Variants in NTM observed in about 807,000 individuals in gnomAD.
The protein encoded by NTM is neurotrimin, also known as IgLON family member 2.
Under a neutral mutation model 42.1 loss-of-function variants are expected in NTM, and 13 were observed. The ratio of observed to expected loss-of-function variants is 0.31; its 90% CI spans 0.20 to 0.49. The LOEUF is 0.49. Among genes scored for constraint, NTM ranks in the 20% least tolerant of loss-of-function variants. NTM has a pLI of 0.99. For synonymous variants in NTM, 187 were observed against 179.2 expected (o/e 1.04, Z -0.35); for missense variants, 373 against 452.8 (o/e 0.82, Z 1.60).
At chr11:132,062,718 G>A (rs2080867552) in intron 2 of NTM, among the ~76,000 whole-genome samples, 1 of 152,170 alleles carries the variant, frequency 6.6e-6, no homozygotes, top group African/African-American at 2.4e-5. Context: ...TAGCTCTTTG[G>A]AATAGTTAGA....
chr11:132,123,797 G>T (rs1566224814), intron 2 of NTM, among the ~76,000 whole-genome samples: 1 of 152,078 alleles, frequency 6.6e-6, no homozygotes, highest in Non-Finnish European at 1.5e-5. Flanking sequence ...CGCATGTGCC[G>T]GTTACTGACC....
chr11:131,612,735 A>G (rs2137551298), intron 1 of NTM, among the ~76,000 whole-genome samples: 1 of 152,338 alleles, frequency 6.6e-6, no homozygotes, highest in East Asian at 1.9e-4. Context: ...AACTTAGCAC[A>G]GTGGAACACC....
chr11:131,523,674 A>G (rs904017880), intron 1 of NTM, among the ~76,000 whole-genome samples: 3 of 151,302 alleles, frequency 2.0e-5, no homozygotes, highest in African/African-American at 7.3e-5. Flanking sequence ...CTGTAATACC[A>G]GCTACTCAGG....
chr11:131,668,903 A>C (rs143379147), intron 1 of NTM, among the ~76,000 whole-genome samples: 1 of 152,220 alleles, frequency 6.6e-6, no homozygotes, highest in South Asian at 2.1e-4. Context: ...TCAAACAACA[A>C]TAACAATAAT....
At chr11:131,703,334 C>T (rs2076259492) in intron 1 of NTM, among the ~76,000 whole-genome samples, 1 of 152,126 alleles carries the variant, frequency 6.6e-6, no homozygotes, top group Admixed American at 6.5e-5. Flanking sequence ...CTTTGTATCC[C>T]ATAAATATAT....
At chr11:132,326,560 G>C (rs1334664393) in intron 7 of NTM, among the ~76,000 whole-genome samples, 1 of 152,216 alleles carries the variant, frequency 6.6e-6, no homozygotes, top group Non-Finnish European at 1.5e-5. Flanking sequence ...TGGTTGGAAG[G>C]CTTTCTGTGC....
intron 1 of NTM, among the ~76,000 whole-genome samples, chr11:131,446,218 G>A (rs1950045285): frequency 6.6e-6 from 1 of 152,140 alleles, no homozygotes; most frequent in Non-Finnish European, 1.5e-5. Flanking sequence ...CTATGGAAAT[G>A]TTCTGTGCTG....
intron 1 of NTM, among the ~76,000 whole-genome samples, chr11:131,657,452 G>A (rs1039305576): frequency 6.6e-6 from 1 of 152,176 alleles, no homozygotes; most frequent in African/African-American, 2.4e-5. Context: ...GCTCGCAAAG[G>A]GCCAGCCTCT....
chr11:131,871,180 T>C (rs2047742866), intron 1 of NTM, among the ~76,000 whole-genome samples: 1 of 152,222 alleles, frequency 6.6e-6, no homozygotes. Context: ...AGGGAGAACA[T>C]GAAAACCAAC....
chr11:132,320,374 G>A (rs1403605385), intron 7 of NTM, among the ~76,000 whole-genome samples: 1 of 152,238 alleles, frequency 6.6e-6, no homozygotes, highest in Non-Finnish European at 1.5e-5. Flanking sequence ...GAAGTGCAAG[G>A]GATCAGGGAG....
At chr11:132,020,467 G>A (rs915521431) in intron 2 of NTM, among the ~76,000 whole-genome samples, 2 of 151,644 alleles carry the variant, frequency 1.3e-5, no homozygotes, top group Non-Finnish European at 2.9e-5. Flanking sequence ...ATATTATAGT[G>A]TACCATTTAA....
Position 131,881,506 on chromosome 11 carries a change from ACACC to A in NTM, c.83-30056_83-30053del, listed in dbSNP as rs754367648. Among the ~76,000 whole-genome samples the A allele has an allele frequency of 7.6e-3, 1,146 of 150,626 alleles. 12 individuals carry two copies. The highest frequency in any genetic ancestry group is 0.013 in the Non-Finnish European group (848 of 67,330). On this transcript the variant is annotated intron_variant, in intron 1 of 8. Transcript: ENST00000683400. ...CACACACACACACACACACACACAC[ACACC>A]CCCCAAAGCTTTGACGCAGAGGAGC...
rs71067336 is a variant in NTM, at chr11:131,789,547, AAAG to A, written c.83-121930_83-121928del. On this transcript the variant is annotated intron_variant, in intron 1 of 8. Transcript: ENST00000683400. ...AAGAAGAAGAAGAAGAAGAAGAAGA[AAAG>A]AAGAAGAAGAAGAAGAAGAAGAAGA... Among the ~76,000 whole-genome samples, 37 of 5,100 alleles carry A rather than the reference AAAG, an allele frequency of 7.3e-3. 2 individuals carry two copies. Among genetic ancestry groups the A allele is most frequent in the East Asian group, 0.013 (2 of 154 alleles). 3.3% of individuals were successfully genotyped at this position (5,100 alleles called of 152,430 possible).
chr11:131,754,399 C>A (rs1591621283), intron 1 of NTM, among the ~76,000 whole-genome samples: 1 of 152,052 alleles, frequency 6.6e-6, no homozygotes. Flanking sequence ...CCAAGGCAGG[C>A]AGATCACTTG....
chr11:131,843,728 A>G (rs898468144), intron 1 of NTM, among the ~76,000 whole-genome samples: 2 of 151,776 alleles, frequency 1.3e-5, no homozygotes, highest in African/African-American at 4.9e-5. Context: ...TGGGTATATA[A>G]TGATATCTTA....
At chr11:131,681,243 G>C (rs1189888917) in intron 1 of NTM, among the ~76,000 whole-genome samples, 1 of 61,338 alleles carries the variant, frequency 1.6e-5, no homozygotes, top group African/African-American at 4.3e-5. Context: ...CTGTGTATGT[G>C]AGCGTGTGTT....
Position 132,044,156 on chromosome 11 carries a change from G to A in NTM, c.168-102126G>A, listed in dbSNP as rs12798242. Among the ~76,000 whole-genome samples, 16 of 130,220 alleles carry A rather than the reference G, an allele frequency of 1.2e-4. No homozygotes were observed. In the East Asian group the frequency reaches 1.8e-3, roughly 14 times the overall value. The allele number at this position is 130,220 out of a possible 152,430, so 85.4% of individuals were successfully genotyped here. A position where few individuals can be genotyped will look rare whatever the true frequency, so the allele number is the denominator to read the frequency against. On this transcript the variant is annotated intron_variant, in intron 2 of 8. Coordinates refer to ENST00000683400, the MANE Select transcript of NTM (RefSeq NM_001352005.2). The stretch of plus-strand genomic sequence containing the variant: ...TGTGTGTGTGTATGTGCGTGTGTGT[G>A]TGTGTGTGCTTATGTGCATGTGTAT...
chr11:131,521,426 A>G (rs1342163756), intron 1 of NTM, among the ~76,000 whole-genome samples: 5 of 54,054 alleles, frequency 9.3e-5, no homozygotes, highest in Admixed American at 3.5e-4. Flanking sequence ...TTTTTTTGAG[A>G]CGGGAGTCTC....
intron 1 of NTM, among the ~76,000 whole-genome samples, chr11:131,587,081 A>C (rs1044115573): frequency 1.3e-5 from 2 of 152,204 alleles, no homozygotes; most frequent in Non-Finnish European, 2.9e-5. Context: ...CGTGACTTGC[A>C]TTGTATTATC....
Sources: gnomAD v4.1 joint callset for allele counts (sites outside exome capture counted in the v4.1 genomes callset) on GRCh38, gnomAD v4.1.1 for gene constraint, MANE v1.5 for transcripts, NCBI Gene and HGNC (gene_info 2026-07-23, HGNC 2026-07-21) for gene names.